Variants in HSPA4L observed in about 807,000 individuals in gnomAD.
The protein encoded by HSPA4L is heat shock 70 kDa protein 4L.
HSPA4L carries 48 observed loss-of-function variants against 100.3 expected under a neutral mutation model. That is an observed-to-expected ratio of 0.48 (90% CI 0.38 to 0.61). The LOEUF is 0.61. Ranked by LOEUF, HSPA4L falls within the 20% of genes least tolerant of loss-of-function variation. The pLI is 0.00. For synonymous variants in HSPA4L, 319 were observed against 328.2 expected (o/e 0.97, Z 0.30); for missense variants, 886 against 988.6 (o/e 0.90, Z 1.39).
chr4:127,799,071 G>A (rs1330446146), intron 4 of HSPA4L, among the ~76,000 whole-genome samples: 3 of 151,812 alleles, frequency 2.0e-5, no homozygotes, highest in African/African-American at 7.2e-5. Context: ...TGTGTATCAG[G>A]GGAAAAAAAA....
intron 12 of HSPA4L, 114 bp downstream of exon 12, chr4:127,811,750 T>C (rs1340648368): frequency 5.3e-6 from 4 of 754,982 alleles, no homozygotes; most frequent in Non-Finnish European, 8.4e-6. Context: ...TTTGCTTTGA[T>C]TTTCTGCTGT....
chr4:127,795,870 GA>G lies in HSPA4L; in HGVS notation c.270del (p.Glu90AspfsTer17). ...AACTGAAAGGATCAGGCTTCCCTAT[GA>G]ACTGCAGAAAATGCCTAATGGAAGT... The part of the protein sequence containing the change: ...VQTERIRLPY[E>X]LQKMPNGSAG... On this transcript the variant is annotated frameshift_variant, in exon 3 of 19. Coordinates refer to ENST00000296464, the MANE Select transcript of HSPA4L (RefSeq NM_014278.4). LOFTEE classifies it high-confidence loss of function. 1 of 1,613,686 alleles carries G rather than the reference GA, an allele frequency of 6.2e-7. No homozygotes were observed. The highest frequency in any genetic ancestry group is 8.5e-7 in the Non-Finnish European group (1 of 1,179,662).
Position 127,832,704 on chromosome 4 carries a change from C to A in HSPA4L, c.2350C>A (p.Pro784Thr), listed in dbSNP as rs1196985707. ...TTAGGAACTGGATAATTTCTGTAAC[C>A]CCATCATTTACAAGCCCAAACCAAA... ...KSKELDNFCN[P>T]IIYKPKPKAE... The change falls in exon 19 of 19, where the codon CCC (proline) becomes ACC (threonine). Residue 784 changes from proline (P) to threonine (T), a missense_variant. By Grantham distance (38) the Pro-to-Thr change is conservative (BLOSUM62 -1). Transcript: ENST00000296464. 3.7e-5 allele frequency: 60 copies of A among 1,607,860 alleles called. No individual in the cohort carries two copies. The highest frequency in any genetic ancestry group is 4.8e-5 in the Non-Finnish European group (56 of 1,177,088).
At chr4:127,812,138 AGTAGCTCACGCCT>A (rs1733548014) in intron 12 of HSPA4L, among the ~76,000 whole-genome samples, 1 of 152,146 alleles carries the variant, frequency 6.6e-6, no homozygotes, top group African/African-American at 2.4e-5. Context: ...GGCCGGGCGC[AGTAGCTCACGCCT>A]GTAATCGCAG....
At position 127,822,868 on chromosome 4, in the gene HSPA4L, G is replaced by C; in HGVS notation, c.1912G>C (p.Val638Leu). ...VYDFRDRLGT[V>L]YEKFITPEDL... is the part of the protein sequence containing the mutation. The stretch of plus-strand genomic sequence containing the variant: ...TGATTTTAGAGACAGGCTGGGCACT[G>C]TCTATGAAAAATTCATCACTCCAGA... The change falls in exon 15 of 19, where the codon GTC becomes CTC. Residue 638 changes from valine to leucine, a missense_variant. Physicochemically the swap from Val to Leu is conservative, Grantham distance 32. Coordinates refer to ENST00000296464, the MANE Select transcript of HSPA4L (RefSeq NM_014278.4). The C allele has an allele frequency of 6.2e-7, 1 of 1,613,402 alleles. No homozygotes were observed. The highest frequency in any genetic ancestry group is 2.2e-5 in the East Asian group (1 of 44,816).
At chr4:127,817,348 C>T (rs903698010) in intron 12 of HSPA4L, among the ~76,000 whole-genome samples, 4 of 143,836 alleles carry the variant, frequency 2.8e-5, no homozygotes, top group African/African-American at 1.0e-4. Context: ...CTTTTAACTA[C>T]AAAAAAAAAA....
chr4:127,817,210 C>A (rs964077875), intron 12 of HSPA4L, among the ~76,000 whole-genome samples: 1 of 152,092 alleles, frequency 6.6e-6, no homozygotes, highest in South Asian at 2.1e-4. Flanking sequence ...GGATTACAGG[C>A]GTGCACCACC....
chr4:127,786,599 A>G (rs1340803094), intron 1 of HSPA4L, among the ~76,000 whole-genome samples: 1 of 152,084 alleles, frequency 6.6e-6, no homozygotes, highest in Non-Finnish European at 1.5e-5. Context: ...CTGAATAGCT[A>G]GGACTACAGG....
intron 16 of HSPA4L, among the ~76,000 whole-genome samples, chr4:127,826,996 CTTATT>C (rs1733965581): frequency 6.6e-6 from 1 of 152,044 alleles, no homozygotes; most frequent in Non-Finnish European, 1.5e-5. Context: ...TTACAGTTTT[CTTATT>C]TTAATAGTTC....
At chr4:127,821,623 A>C (rs1733816024) in intron 14 of HSPA4L, among the ~76,000 whole-genome samples, 1 of 152,108 alleles carries the variant, frequency 6.6e-6, no homozygotes, top group African/African-American at 2.4e-5. Flanking sequence ...AGTAGACTAA[A>C]TTACCCAGGA....
chr4:127,826,101 T>C (rs978435195), intron 16 of HSPA4L, among the ~76,000 whole-genome samples: 11 of 152,136 alleles, frequency 7.2e-5, no homozygotes, highest in Admixed American at 6.6e-4. Flanking sequence ...GTTTTTGAGA[T>C]GGCATTTAAA....
intron 2 of HSPA4L, among the ~76,000 whole-genome samples, chr4:127,794,484 A>G (rs914688923): frequency 5.3e-5 from 8 of 152,090 alleles, no homozygotes; most frequent in African/African-American, 1.9e-4. Context: ...ACATCTTTGT[A>G]AAATAAGGTA....
rs1262108530 is a variant in HSPA4L, at chr4:127,835,161, C to CTAT, written c.*2292_*2294dup. The CTAT allele has an allele frequency of 6.6e-6, 1 of 151,624 alleles. No homozygotes were observed. The highest frequency in any genetic ancestry group is 2.4e-5 in the African/African-American group (1 of 41,034). 9.4% of individuals were successfully genotyped at this position (151,624 alleles called of 1,614,324 possible). On this transcript the variant is annotated 3_prime_UTR_variant, in exon 19 of 19. Transcript: ENST00000296464. ...AGACAAAGATTTTCAAAATAAAAAGCTATTATTTCAGAAATTATTTTAAAA... is the reference window on the plus strand; with the variant it reads ...AGACAAAGATTTTCAAAATAAAAAGCTATTATTATTTCAGAAATTATTTTAAAA...
intron 4 of HSPA4L, 107 bp from the exon 5 acceptor site, chr4:127,801,031 A>G: frequency 1.4e-6 from 1 of 693,172 alleles, no homozygotes; most frequent in Non-Finnish European, 2.2e-6. Flanking sequence ...TAGTTAGAAC[A>G]TCTTTATTTG....
chr4:127,805,137 G>A lies in HSPA4L; in HGVS notation c.1050G>A (p.Val350=). 1 of 1,611,972 alleles carries A rather than the reference G, an allele frequency of 6.2e-7. No individual in the cohort carries two copies. The highest frequency in any genetic ancestry group is 8.5e-7 in the Non-Finnish European group (1 of 1,178,494). ...IVGGATRIPA[V]KEQITKFFLK... ...GAGGAGCAACACGAATTCCTGCAGT[G>A]AAAGAACAAATCACTAAATTCTTTC... is the stretch of plus-strand genomic sequence containing the variant. Residue 350 remains valine (V), a synonymous_variant, in exon 9 of 19, where the codon GTG becomes GTA. Coordinates refer to ENST00000296464, the MANE Select transcript of HSPA4L (RefSeq NM_014278.4).
rs924682970 is a variant in HSPA4L at position 127,832,478 on chromosome 4, A to G, written c.2329-205A>G. Among the ~76,000 whole-genome samples the G allele has an allele frequency of 9.8e-5, 15 of 152,334 alleles. 1 individual carries two copies. Among genetic ancestry groups the G allele is most frequent in the Admixed American group, 8.5e-4 (13 of 15,302 alleles). ...ACAAAAAATAATTGTTTAAGATTCA[A>G]TAATTTTTGACTGCCACAGACATAT... On this transcript the variant is annotated intron_variant, in intron 18 of 18. Coordinates refer to ENST00000296464, the MANE Select transcript of HSPA4L (RefSeq NM_014278.4).
chr4:127,824,440 T>C (rs993850905), intron 16 of HSPA4L, among the ~76,000 whole-genome samples: 11 of 152,248 alleles, frequency 7.2e-5, no homozygotes, highest in Non-Finnish European at 1.2e-4. Context: ...GGAAATGTTC[T>C]AATTTTAAAA....
At position 127,805,787 on chromosome 4, in the gene HSPA4L, G is replaced by A. The variant is rs1733339217; in HGVS notation, c.1238G>A (p.Gly413Glu). 1.9e-6 allele frequency: 3 copies of A among 1,596,476 alleles called. No individual in the cohort carries two copies. In the Admixed American group the frequency reaches 5.0e-5, roughly 27 times the overall value. The change falls in exon 10 of 19, where the codon GGA (glycine) becomes GAA (glutamate). Residue 413 changes from glycine (G) to glutamate (E), a missense_variant. Coordinates refer to ENST00000296464, the MANE Select transcript of HSPA4L (RefSeq NM_014278.4). ...AGGTGGAAGACCTCTTTTGAAGATG[G>A]AAGTGGGTAAGTTATTTTTAAAACC... ...TLRWKTSFED[G>E]SGECEVFCKN...
rs1732848790 is a variant in HSPA4L, at chr4:127,790,655, A to G, written c.108-3422A>G. ...ATGCCTCAAACTTACCTCAAGCCTA[A>G]TGTGTTCACAATAGAGTTTGTGACT... is the stretch of plus-strand genomic sequence containing the variant. On this transcript the variant is annotated intron_variant, in intron 1 of 18. Coordinates refer to ENST00000296464, the MANE Select transcript of HSPA4L (RefSeq NM_014278.4). Among the ~76,000 whole-genome samples the G allele has an allele frequency of 2.0e-5, 3 of 152,192 alleles. No individual in the cohort carries two copies. In the South Asian group the frequency reaches 6.2e-4, roughly 32 times the overall value.
Sources: gnomAD v4.1 joint callset for allele counts (sites outside exome capture counted in the v4.1 genomes callset) on GRCh38, gnomAD v4.1.1 for gene constraint, MANE v1.5 for transcripts, NCBI Gene and HGNC (gene_info 2026-07-23, HGNC 2026-07-21) for gene names.